The following SRPK2 variants were observed in gnomAD, a reference collection of about 807,000 sequenced individuals.
SRPK2 encodes the protein SFRS protein kinase 2.
In SRPK2, 21 loss-of-function variants were observed where a neutral mutation model predicts 90.8. The ratio of observed to expected loss-of-function variants is 0.23; its 90% confidence interval spans 0.16 to 0.33. The LOEUF (loss-of-function observed/expected upper bound fraction) is 0.33, where lower values mean the gene tolerates loss of function less well. Among genes scored for constraint, SRPK2 ranks in the 10% least tolerant of loss-of-function variants. The pLI, the probability that SRPK2 is intolerant of heterozygous loss-of-function variation, is 1.00. For missense variants in SRPK2, 620 were observed against 869.0 expected (o/e 0.71, Z 3.60); for synonymous variants, 288 against 311.1 (o/e 0.93, Z 0.78).
intron 13 of SRPK2, among the ~76,000 whole-genome samples, chr7:105,130,273 G>A (rs868629648): frequency 6.6e-6 from 1 of 152,036 alleles, no homozygotes; most frequent in Admixed American, 6.6e-5. Context: ...AAAGACAGCC[G>A]GGCACAGTGT....
At chr7:105,234,552 C>T (rs1040739778) in intron 2 of SRPK2, among the ~76,000 whole-genome samples, 1 of 152,130 alleles carries the variant, frequency 6.6e-6, no homozygotes, top group African/African-American at 2.4e-5. Context: ...TTATTATCAA[C>T]GTCCAGAGAC....
intron 2 of SRPK2, among the ~76,000 whole-genome samples, chr7:105,222,931 T>C (rs1798280130): frequency 6.6e-6 from 1 of 152,232 alleles, no homozygotes; most frequent in Admixed American, 6.5e-5. Flanking sequence ...TCAGGCATTA[T>C]CTATTTGCTT....
chr7:105,306,572 C>T (rs1252666127), intron 2 of SRPK2: 2 of 425,574 alleles, frequency 4.7e-6, no homozygotes, highest in Admixed American at 3.1e-5. Flanking sequence ...TGTACTCCAC[C>T]TGAACAAAGA....
intron 2 of SRPK2, among the ~76,000 whole-genome samples, chr7:105,337,046 C>T (rs1815177247): frequency 6.6e-6 from 1 of 152,104 alleles, no homozygotes; most frequent in South Asian, 2.1e-4. Context: ...AAGTGAGCCA[C>T]CCACCTCGGC....
At position 105,375,155 on chromosome 7, in the gene SRPK2, T is replaced by A. The variant is rs558527953; in HGVS notation, c.71+13493A>T. ...TATGGCATATAATATTTTTAAAACC[T>A]GGAAAAAATTTATGTTTAAAAAAAT... On this transcript the variant is annotated intron_variant, in intron 2 of 15. Transcript: ENST00000393651. Among the ~76,000 whole-genome samples, 21 of 152,256 alleles carry A rather than the reference T, an allele frequency of 1.4e-4. No homozygotes were observed. In the East Asian group the frequency reaches 3.9e-3, roughly 28 times the overall value.
chr7:105,272,387 A>T (rs1805940739), intron 2 of SRPK2, among the ~76,000 whole-genome samples: 2 of 152,234 alleles, frequency 1.3e-5, no homozygotes, highest in Non-Finnish European at 2.9e-5. Flanking sequence ...CACAGAAAAC[A>T]GGCAAGCAGT....
chr7:105,345,454 T>G (rs1433309637), intron 2 of SRPK2, among the ~76,000 whole-genome samples: 1 of 152,064 alleles, frequency 6.6e-6, no homozygotes, highest in African/African-American at 2.4e-5. Context: ...TTCTCACATT[T>G]TAAAGAAATG....
At chr7:105,185,410 T>C (rs1165917441) in intron 3 of SRPK2, among the ~76,000 whole-genome samples, 1 of 152,066 alleles carries the variant, frequency 6.6e-6, no homozygotes, top group East Asian at 1.9e-4. Context: ...AACTAAAAAA[T>C]TAAGTTCCTT....
In SRPK2 at chr7:105,275,720, G is replaced by A. The variant is rs145413380; in HGVS notation, c.72-71935C>T. Among the ~76,000 whole-genome samples, 215 of 152,204 alleles carry A rather than the reference G, an allele frequency of 1.4e-3. 4 individuals are homozygous for A. Among genetic ancestry groups the A allele is most frequent in the African/African-American group, 5.0e-3 (209 of 41,544 alleles). ...TACCAGTAACTCTACTCAAAATGAT[G>A]TCCCATGGGGTGGTGCTTCAAAGAT... On this transcript the variant is annotated intron_variant, in intron 2 of 15. Transcript: ENST00000393651.
intron 2 of SRPK2, among the ~76,000 whole-genome samples, chr7:105,262,351 T>C (rs1239213114): frequency 2.6e-5 from 4 of 152,242 alleles, no homozygotes; most frequent in Non-Finnish European, 5.9e-5. Flanking sequence ...GCTATCAAAA[T>C]GTCATGATTT....
At chr7:105,173,656 T>C (rs982057164) in intron 3 of SRPK2, among the ~76,000 whole-genome samples, 4 of 152,232 alleles carry the variant, frequency 2.6e-5, no homozygotes, top group African/African-American at 9.6e-5. Context: ...GTCTACCACA[T>C]TGCCCAGCAC....
chr7:105,250,553 T>A (rs1802348974), intron 2 of SRPK2, among the ~76,000 whole-genome samples: 1 of 152,198 alleles, frequency 6.6e-6, no homozygotes, highest in East Asian at 1.9e-4. Context: ...ACTAGGCCAC[T>A]GACTCCTAAT....
chr7:105,162,182 C>T (rs1807767936), intron 6 of SRPK2, among the ~76,000 whole-genome samples: 1 of 152,190 alleles, frequency 6.6e-6, no homozygotes, highest in Admixed American at 6.5e-5. Flanking sequence ...GCTGGGATTA[C>T]AGGCGTGTGC....
Position 105,132,832 on chromosome 7 carries a change from C to G in SRPK2, c.1711G>C (p.Gly571Arg), listed in dbSNP as rs1802217323. 1 of 1,610,308 alleles carries G rather than the reference C, an allele frequency of 6.2e-7. No individual in the cohort carries two copies. The highest frequency in any genetic ancestry group is 8.5e-7 in the Non-Finnish European group (1 of 1,178,160). Residue 571 changes from glycine to arginine, a missense_variant, in exon 13 of 16, where the codon GGG becomes CGG. Coordinates refer to ENST00000393651, the MANE Select transcript of SRPK2 (RefSeq NM_182692.3). ...CAGATGTCCGCAGGGGTGCTGTACC[C>G]CGCTCCTATTAAAACCTCTATGGAG... The part of the protein sequence containing the change: ...YRSIEVLIGA[G>R]YSTPADIWST...
chr7:105,294,818 A>C (rs923204394), intron 2 of SRPK2, among the ~76,000 whole-genome samples: 1 of 152,014 alleles, frequency 6.6e-6, no homozygotes, highest in Non-Finnish European at 1.5e-5. Flanking sequence ...GAGCCACCGC[A>C]CCCAACCCTT....
intron 2 of SRPK2, among the ~76,000 whole-genome samples, chr7:105,385,007 G>C (rs541130172): frequency 6.7e-6 from 1 of 150,268 alleles, no homozygotes. Context: ...CTCCCGAGTA[G>C]CTGGGACTAC....
chr7:105,293,417 C>G (rs1258998193), intron 2 of SRPK2, among the ~76,000 whole-genome samples: 1 of 151,880 alleles, frequency 6.6e-6, no homozygotes, highest in African/African-American at 2.4e-5. Flanking sequence ...CTCATAAAAT[C>G]AGTATTAGGT....
At position 105,326,637 on chromosome 7, in the gene SRPK2, T is replaced by G. The variant is rs77955221; in HGVS notation, c.71+62011A>C. 5.1e-3 allele frequency among the ~76,000 whole-genome samples: 782 copies of G among 152,288 alleles called. 11 individuals are homozygous for G. In the East Asian group the frequency reaches 0.055, roughly 11 times the overall value. On this transcript the variant is annotated intron_variant, in intron 2 of 15. Coordinates refer to ENST00000393651, the MANE Select transcript of SRPK2 (RefSeq NM_182692.3). Reference sequence around the variant, plus strand: ...ATCCTTTCAATGCCCAGAATTACAGTAATGTTTCAAAAGAACAGCTAGAGG... The same window carrying G: ...ATCCTTTCAATGCCCAGAATTACAGGAATGTTTCAAAAGAACAGCTAGAGG...
chr7:105,150,400 T>C (rs1452019309), intron 7 of SRPK2, among the ~76,000 whole-genome samples: 2 of 151,960 alleles, frequency 1.3e-5, no homozygotes, highest in Non-Finnish European at 2.9e-5. Flanking sequence ...ACAGGCAAGG[T>C]AGCACACGCC....
Sources: allele counts gnomAD v4.1 joint callset (sites outside exome capture counted in the v4.1 genomes callset), GRCh38; gene constraint gnomAD v4.1.1; transcripts MANE v1.5; gene names NCBI Gene and HGNC (gene_info 2026-07-23, HGNC 2026-07-21).